The following SPECC1L variants were observed in gnomAD, a reference collection of about 807,000 sequenced individuals.
The protein encoded by SPECC1L is cytospin-A.
Under a neutral mutation model 116.8 loss-of-function variants are expected in SPECC1L, and 40 were observed. The ratio of observed to expected loss-of-function variants is 0.34; its 90% CI spans 0.27 to 0.45. SPECC1L has a LOEUF of 0.45. Ranked by LOEUF, SPECC1L falls within the 20% of genes least tolerant of loss-of-function variation. The pLI is 1.00. For missense variants in SPECC1L, 1,110 were observed against 1,373.6 expected (o/e 0.81, Z 3.03); for synonymous variants, 504 against 500.6 (o/e 1.01, Z -0.09).
At chr22:24,401,534 C>A (rs915337720) in intron 14 of SPECC1L, among the ~76,000 whole-genome samples, 3 of 152,172 alleles carry the variant, frequency 2.0e-5, no homozygotes, top group African/African-American at 7.2e-5. Flanking sequence ...ACAGAGAAAC[C>A]CCTTTGTCAG....
At chr22:24,346,636 G>A (rs1484302688) in intron 10 of SPECC1L, among the ~76,000 whole-genome samples, 1 of 152,158 alleles carries the variant, frequency 6.6e-6, no homozygotes, top group Non-Finnish European at 1.5e-5. Flanking sequence ...GGTTGGGGAC[G>A]GGAAGAGGGG....
chr22:24,316,505 G>C (rs1011619434), intron 4 of SPECC1L, among the ~76,000 whole-genome samples: 1 of 151,012 alleles, frequency 6.6e-6, no homozygotes, highest in South Asian at 2.1e-4. Flanking sequence ...GCCTTCAAGC[G>C]TCTGTTTAAC....
intron 8 of SPECC1L, among the ~76,000 whole-genome samples, chr22:24,331,824 A>G (rs978954227): frequency 1.0e-3 from 159 of 151,996 alleles, no homozygotes; most frequent in African/African-American, 3.8e-3. Context: ...ACCACCACAT[A>G]CTTGATTTTT....
chr22:24,307,795 T>A (rs1311117948), intron 3 of SPECC1L, among the ~76,000 whole-genome samples: 1 of 151,786 alleles, frequency 6.6e-6, no homozygotes, highest in African/African-American at 2.4e-5. Flanking sequence ...TGCCTCACCC[T>A]CCCAAAGCCT....
At chr22:24,295,632 C>T (rs2049244983) in intron 2 of SPECC1L, among the ~76,000 whole-genome samples, 1 of 152,036 alleles carries the variant, frequency 6.6e-6, no homozygotes, top group African/African-American at 2.4e-5. Flanking sequence ...TAGTTAGTCC[C>T]TTCAAAATAA....
At chr22:24,372,923 A>G (rs1267515407) in intron 14 of SPECC1L, among the ~76,000 whole-genome samples, 1 of 152,244 alleles carries the variant, frequency 6.6e-6, no homozygotes, top group Non-Finnish European at 1.5e-5. Context: ...CAACTTCAGC[A>G]AAGTCTCAGG....
intron 1 of SPECC1L, among the ~76,000 whole-genome samples, chr22:24,273,011 CGTGA>C (rs2146312916): frequency 6.6e-6 from 1 of 152,236 alleles, no homozygotes; most frequent in South Asian, 2.1e-4. Context: ...AACTAAATAA[CGTGA>C]GTGTCAAGTA....
intron 13 of SPECC1L, among the ~76,000 whole-genome samples, chr22:24,366,722 G>A (rs1263664036): frequency 6.6e-6 from 1 of 152,126 alleles, no homozygotes; most frequent in Non-Finnish European, 1.5e-5. Flanking sequence ...CTGGGAGTCT[G>A]GGAACGTGGT....
chr22:24,413,882 C>T lies in SPECC1L; in HGVS notation c.3265-652C>T, dbSNP rs556644310. ...ATGGGAAGGGAAGGATCTCTCAGGC[C>T]GGCCCCTTGGGTCACTCCCCGAGCC... On this transcript the variant is annotated intron_variant, in intron 16 of 16. Transcript: ENST00000314328. Among the ~76,000 whole-genome samples, 41 of 152,230 alleles carry T rather than the reference C, an allele frequency of 2.7e-4. No homozygotes were observed. In the South Asian group the frequency reaches 3.7e-3, roughly 14 times the overall value.
intron 2 of SPECC1L, among the ~76,000 whole-genome samples, chr22:24,279,112 TC>T (rs1241870628): frequency 6.6e-6 from 1 of 152,222 alleles, no homozygotes; most frequent in African/African-American, 2.4e-5. Context: ...AGTCTTGTTT[TC>T]TCCCTGAGCT....
At chr22:24,283,010 T>G (rs2048974583) in intron 2 of SPECC1L, among the ~76,000 whole-genome samples, 1 of 152,002 alleles carries the variant, frequency 6.6e-6, no homozygotes, top group South Asian at 2.1e-4. Context: ...ACTCTTGACC[T>G]CAGGTGATCC....
chr22:24,384,950 GCTA>G (rs1392658185), intron 14 of SPECC1L, among the ~76,000 whole-genome samples: 6 of 151,836 alleles, frequency 4.0e-5, no homozygotes, highest in African/African-American at 1.5e-4. Context: ...TGTAGTCCCA[GCTA>G]CTTGGGAGGC....
chr22:24,382,041 CAGTAA>C (rs1476082695), intron 14 of SPECC1L, among the ~76,000 whole-genome samples: 11 of 152,056 alleles, frequency 7.2e-5, no homozygotes, highest in African/African-American at 2.7e-4. Flanking sequence ...AATTAAAACT[CAGTAA>C]AGTAAAATTT....
intron 16 of SPECC1L, among the ~76,000 whole-genome samples, 171 bp downstream of exon 16, chr22:24,412,878 T>C (rs1260444460): frequency 1.3e-5 from 2 of 151,560 alleles, no homozygotes; most frequent in African/African-American, 4.8e-5. Flanking sequence ...TGGGTGCAGA[T>C]GTGGGATCTT....
At chr22:24,350,654 C>T (rs987149022) in intron 11 of SPECC1L, among the ~76,000 whole-genome samples, 7 of 152,168 alleles carry the variant, frequency 4.6e-5, no homozygotes, top group Admixed American at 3.3e-4. Context: ...GTGTCCTAGG[C>T]ATCTTTAAAA....
chr22:24,350,557 G>A (rs557845324), intron 11 of SPECC1L, among the ~76,000 whole-genome samples: 19 of 152,094 alleles, frequency 1.2e-4, no homozygotes, highest in Non-Finnish European at 2.5e-4. Flanking sequence ...GCTCTCATTG[G>A]CCCACAAGTC....
chr22:24,369,207 C>T lies in SPECC1L; in HGVS notation c.2985-11C>T, dbSNP rs9612615. 5.2e-4 allele frequency: 827 copies of T among 1,601,302 alleles called. No individual in the cohort carries two copies. The highest frequency in any genetic ancestry group is 6.8e-4 in the Non-Finnish European group (791 of 1,168,514). ...CAAAAAATATTTCAACTTTGGGTTACTTGTTTTCAGAGAAGAAAGGAAAGA... is the reference window on the plus strand; with the variant it reads ...CAAAAAATATTTCAACTTTGGGTTATTTGTTTTCAGAGAAGAAAGGAAAGA... On this transcript the variant is annotated splice_polypyrimidine_tract_variant and intron_variant, in intron 13 of 16. Coordinates refer to ENST00000314328, the MANE Select transcript of SPECC1L (RefSeq NM_015330.6).
chr22:24,386,957 C>G (rs1340845663), intron 14 of SPECC1L, among the ~76,000 whole-genome samples: 21 of 152,084 alleles, frequency 1.4e-4, no homozygotes, highest in Non-Finnish European at 1.0e-4. Context: ...CCAGGCTTTG[C>G]TATGTCTGCA....
At chr22:24,369,542 AAATAAT>A (rs1490319249) in intron 14 of SPECC1L, among the ~76,000 whole-genome samples, 3 of 152,196 alleles carry the variant, frequency 2.0e-5, no homozygotes, top group African/African-American at 2.4e-5. Context: ...ACAAAAATAA[AAATAAT>A]AATAAGCTGG....
Sources: gnomAD v4.1 joint callset for allele counts (sites outside exome capture counted in the v4.1 genomes callset) on GRCh38, gnomAD v4.1.1 for gene constraint, MANE v1.5 for transcripts, NCBI Gene and HGNC (gene_info 2026-07-23, HGNC 2026-07-21) for gene names.